CERS6: variants seen among roughly 807,000 people sequenced by gnomAD.
CERS6 encodes the protein ceramide synthase 6.
CERS6 carries 26 observed loss-of-function variants against 56.8 expected under a neutral mutation model. That is an observed-to-expected ratio of 0.46 (90% CI 0.34 to 0.63). CERS6 has a LOEUF of 0.63. CERS6 is among the 30% of genes least tolerant of loss of function. CERS6 has a pLI of 0.01. For synonymous variants in CERS6, 164 were observed against 173.3 expected (o/e 0.95, Z 0.42); for missense variants, 415 against 467.5 (o/e 0.89, Z 1.04).
At chr2:168,731,251 A>T (rs1276612074) in intron 8 of CERS6, among the ~76,000 whole-genome samples, 1 of 152,178 alleles carries the variant, frequency 6.6e-6, no homozygotes, top group Non-Finnish European at 1.5e-5. Flanking sequence ...CTTCTGTTCC[A>T]AACGAGCCTC....
At chr2:168,469,968 C>A (rs1169075988) in intron 1 of CERS6, among the ~76,000 whole-genome samples, 1 of 152,110 alleles carries the variant, frequency 6.6e-6, no homozygotes, top group Non-Finnish European at 1.5e-5. Flanking sequence ...GCCTGGCTGA[C>A]CTGGAACCCT....
intron 7 of CERS6, among the ~76,000 whole-genome samples, chr2:168,716,282 C>A (rs1687224546): frequency 6.6e-6 from 1 of 152,062 alleles, no homozygotes; most frequent in Non-Finnish European, 1.5e-5. Context: ...TAAGGGCAAT[C>A]CCCTGGAAAT....
intron 4 of CERS6, chr2:168,644,279 C>A (rs1378540845): frequency 1.0e-6 from 1 of 976,152 alleles, no homozygotes; most frequent in Non-Finnish European, 1.2e-6. Flanking sequence ...AGCTTCAGCT[C>A]AGGAAGATGA....
intron 8 of CERS6, among the ~76,000 whole-genome samples, chr2:168,737,146 A>G (rs1319495386): frequency 6.6e-6 from 1 of 152,208 alleles, no homozygotes; most frequent in Non-Finnish European, 1.5e-5. Context: ...CAATTGTGAT[A>G]GAGGCCAGAC....
intron 1 of CERS6, among the ~76,000 whole-genome samples, chr2:168,462,748 C>A (rs1200744840): frequency 1.3e-5 from 2 of 151,990 alleles, no homozygotes; most frequent in Admixed American, 1.3e-4. Flanking sequence ...CTTTGTTGTC[C>A]AGGCTAGTCT....
chr2:168,609,030 T>A (rs1189134031), intron 3 of CERS6, among the ~76,000 whole-genome samples: 1 of 152,256 alleles, frequency 6.6e-6, no homozygotes, highest in Non-Finnish European at 1.5e-5. Context: ...ATGCTAGAGC[T>A]CTAGGCAGTG....
intron 8 of CERS6, among the ~76,000 whole-genome samples, chr2:168,726,369 G>C (rs1683350333): frequency 1.3e-5 from 2 of 152,186 alleles, no homozygotes; most frequent in Admixed American, 1.3e-4. Flanking sequence ...CATTTGATGA[G>C]ATACATTTTT....
chr2:168,564,705 C>T (rs1391655998), intron 3 of CERS6, among the ~76,000 whole-genome samples: 4 of 152,146 alleles, frequency 2.6e-5, no homozygotes, highest in South Asian at 2.1e-4. Flanking sequence ...ACCCATTTAT[C>T]CCCTCACCAT....
intron 6 of CERS6, among the ~76,000 whole-genome samples, chr2:168,696,770 A>G (rs1460193732): frequency 1.3e-5 from 2 of 152,162 alleles, no homozygotes; most frequent in African/African-American, 2.4e-5. Flanking sequence ...GCTTCTGCCA[A>G]AAGGCCCCAT....
chr2:168,765,833 T>A (rs1466150764), intron 9 of CERS6, 85 bp downstream of exon 9: 6 of 1,237,538 alleles, frequency 4.8e-6, no homozygotes, highest in Non-Finnish European at 6.7e-6. Context: ...CTATTCCATA[T>A]TTCATCAAAA....
chr2:168,669,379 C>A (rs973550918), intron 4 of CERS6, among the ~76,000 whole-genome samples: 2 of 152,108 alleles, frequency 1.3e-5, no homozygotes, highest in African/African-American at 4.8e-5. Context: ...CTTCATAGAC[C>A]AGAACTGAGT....
rs76942113 is a variant in CERS6, at chr2:168,594,599, A to G, written c.407+33277A>G. 5.1e-3 allele frequency among the ~76,000 whole-genome samples: 772 copies of G among 152,200 alleles called. 10 individuals carry two copies. Among genetic ancestry groups the G allele is most frequent in the African/African-American group, 0.017 (723 of 41,522 alleles). ...GACCCTGTCTCAAAAAAAATTATTC[A>G]TTTAAAAAATATTTACTACATGCCT... On this transcript the variant is annotated intron_variant, in intron 3 of 9. Transcript: ENST00000305747.
chr2:168,631,548 ATTT>A (rs1211078332), intron 4 of CERS6, among the ~76,000 whole-genome samples: 1 of 118,978 alleles, frequency 8.4e-6, no homozygotes, highest in East Asian at 2.2e-4. Context: ...AATATATTAT[ATTT>A]TTAATATTTA....
chr2:168,646,754 A>G (rs114554755), intron 4 of CERS6, among the ~76,000 whole-genome samples: 2,227 of 152,316 alleles, frequency 0.015, 43 homozygotes, highest in African/African-American at 0.04. Context: ...TCTTCTCTGC[A>G]TATGGCTAGC....
chr2:168,747,226 C>T (rs1684134794), intron 8 of CERS6, among the ~76,000 whole-genome samples: 1 of 151,862 alleles, frequency 6.6e-6, no homozygotes, highest in Admixed American at 6.6e-5. Flanking sequence ...GTGGAGGATT[C>T]AGTGAGCCAT....
At chr2:168,547,759 G>A (rs1695493205) in intron 2 of CERS6, 58 bp downstream of exon 2, 1 of 1,196,306 alleles carries the variant, frequency 8.4e-7, no homozygotes, top group East Asian at 2.3e-5. Context: ...TCAGCCTGCT[G>A]TCATTCAATT....
intron 8 of CERS6, among the ~76,000 whole-genome samples, chr2:168,754,094 C>T (rs1684354599): frequency 6.6e-6 from 1 of 152,096 alleles, no homozygotes; most frequent in Non-Finnish European, 1.5e-5. Context: ...AGAAGCCAGG[C>T]ATCAAATACC....
At chr2:168,742,692 G>A (rs1328319789) in intron 8 of CERS6, among the ~76,000 whole-genome samples, 2 of 152,196 alleles carry the variant, frequency 1.3e-5, no homozygotes, top group East Asian at 3.8e-4. Context: ...AACACCCACA[G>A]GTGGGAATGG....
chr2:168,523,366 T>C (rs994743204), intron 1 of CERS6, among the ~76,000 whole-genome samples: 21 of 152,290 alleles, frequency 1.4e-4, no homozygotes, highest in Admixed American at 3.3e-4. Context: ...TCTCTACACC[T>C]GCTAGGGAAA....
Sources: gnomAD v4.1 joint callset for allele counts (sites outside exome capture counted in the v4.1 genomes callset) on GRCh38, gnomAD v4.1.1 for gene constraint, MANE v1.5 for transcripts, NCBI Gene and HGNC (gene_info 2026-07-23, HGNC 2026-07-21) for gene names.